USP45: variants seen among roughly 807,000 people sequenced by gnomAD.
USP45 encodes the protein ubiquitin carboxyl-terminal hydrolase 45.
A neutral mutation model predicts 95.8 loss-of-function variants in USP45; 89 were observed. The observed-to-expected ratio is 0.93, with a 90% confidence interval of 0.78 to 1.11. The LOEUF (loss-of-function observed/expected upper bound fraction) is 1.11, where lower values mean the gene tolerates loss of function less well. Among genes scored for constraint, USP45 ranks in the 50% least tolerant of loss-of-function variants. The pLI is 0.00. For missense variants in USP45, 898 were observed against 942.5 expected (o/e 0.95, Z 0.62); for synonymous variants, 281 against 316.2 (o/e 0.89, Z 1.18).
At chr6:99,435,994 C>A in intron 17 of USP45, 148 bp from the exon 18 acceptor site, 1 of 759,888 alleles carries the variant, frequency 1.3e-6, no homozygotes, top group Non-Finnish European at 2.0e-6. Context: ...AAGCATTTTC[C>A]AAAAAGAACT....
intron 13 of USP45, among the ~76,000 whole-genome samples, chr6:99,447,031 G>A (rs1403910524): frequency 6.6e-6 from 1 of 152,152 alleles, no homozygotes; most frequent in Non-Finnish European, 1.5e-5. Flanking sequence ...TACTGTATAA[G>A]CCTTTCCATA....
chr6:99,436,856 T>C (rs1562290254), intron 17 of USP45, among the ~76,000 whole-genome samples: 1 of 152,080 alleles, frequency 6.6e-6, no homozygotes, highest in African/African-American at 2.4e-5. Flanking sequence ...TCCCAGCACT[T>C]TGGGAGGCCG....
chr6:99,453,070 T>A (rs1268549392), intron 13 of USP45, among the ~76,000 whole-genome samples: 1 of 151,218 alleles, frequency 6.6e-6, no homozygotes, highest in Non-Finnish European at 1.5e-5. Context: ...GAGATATACC[T>A]AATGTAAATG....
At position 99,445,782 on chromosome 6, in the gene USP45, T is replaced by TA. The variant is rs778249756; in HGVS notation, c.1975+14dup. On this transcript the variant is annotated intron_variant, in intron 14 of 17. Transcript: ENST00000500704. ...ATCAGGAGATCAATAATTATGTAAT[T>TA]AAAAAAATAATTACCTGCAAAACTG... The TA allele has an allele frequency of 7.2e-6, 11 of 1,520,350 alleles. No individual in the cohort carries two copies. Among genetic ancestry groups the TA allele is most frequent in the African/African-American group, 1.4e-5 (1 of 71,318 alleles). 94.2% of individuals were successfully genotyped at this position (1,520,350 alleles called of 1,614,324 possible). A position where few individuals can be genotyped will look rare whatever the true frequency, so the allele number is the denominator to read the frequency against.
chr6:99,460,591 A>C (rs898846456), intron 13 of USP45, among the ~76,000 whole-genome samples: 1 of 152,210 alleles, frequency 6.6e-6, no homozygotes, highest in Admixed American at 6.5e-5. Flanking sequence ...TGGTAAAATC[A>C]GGTAAGATCC....
chr6:99,442,297 T>A (rs1165362473), intron 15 of USP45, among the ~76,000 whole-genome samples: 1 of 152,212 alleles, frequency 6.6e-6, no homozygotes, highest in Non-Finnish European at 1.5e-5. Flanking sequence ...CGCTCTGATA[T>A]GACAAGACAT....
At chr6:99,462,835 T>A (rs904420304) in intron 13 of USP45, 3 of 292,230 alleles carry the variant, frequency 1.0e-5, no homozygotes, top group African/African-American at 6.8e-5. Flanking sequence ...ATAACAAAAA[T>A]TAGCCGGGCA....
rs140746377 is a variant in USP45, at chr6:99,476,889, CT to C, written c.846-660del. The stretch of plus-strand genomic sequence containing the variant: ...TAAGGACTTGATAATTAAATTTCCT[CT>C]GTATTAACTTAATAGAAAGATCAGG... On this transcript the variant is annotated intron_variant, in intron 8 of 17. Coordinates refer to ENST00000500704, the MANE Select transcript of USP45 (RefSeq NM_001346022.3). 5.9e-5 allele frequency among the ~76,000 whole-genome samples: 9 copies of C among 152,272 alleles called. No individual in the cohort carries two copies. The East Asian group carries it at 1.7e-3, about 29-fold the overall frequency.
chr6:99,468,763 T>C, intron 9 of USP45, 145 bp from the exon 10 acceptor site: 1 of 556,804 alleles, frequency 1.8e-6, no homozygotes, highest in Non-Finnish European at 3.1e-6. Flanking sequence ...TTTTAAAAAA[T>C]GTAATTTCTT....
intron 13 of USP45, chr6:99,461,249 A>G (rs1786396502): frequency 2.0e-6 from 2 of 985,282 alleles, no homozygotes; most frequent in Non-Finnish European, 2.4e-6. Flanking sequence ...AGTCTCTACA[A>G]TTATTCAATC....
intron 4 of USP45, 107 bp from the exon 5 acceptor site, chr6:99,503,972 G>T (rs1797959701): frequency 2.7e-6 from 2 of 737,088 alleles, no homozygotes; most frequent in African/African-American, 3.6e-5. Flanking sequence ...AAATTACATG[G>T]GAGGGAATAC....
At chr6:99,503,693 T>C in intron 5 of USP45, 72 bp downstream of exon 5, 1 of 1,029,678 alleles carries the variant, frequency 9.7e-7, no homozygotes, top group Middle Eastern at 2.6e-4. Context: ...TAAAGTATTC[T>C]TTATGAATTT....
chr6:99,515,037 GT>G (rs1247412753), intron 1 of USP45: 1 of 152,308 alleles, frequency 6.6e-6, no homozygotes, highest in Non-Finnish European at 1.5e-5. Flanking sequence ...GCTTCCTCCG[GT>G]CACCAACACA....
At chr6:99,502,130 A>C (rs1797511567) in intron 5 of USP45, 2 of 1,075,162 alleles carry the variant, frequency 1.9e-6, no homozygotes, top group South Asian at 1.9e-5. Context: ...AACTCTCCAC[A>C]CCAAAACTCC....
chr6:99,509,767 A>G (rs776498726), intron 2 of USP45, among the ~76,000 whole-genome samples: 4 of 152,212 alleles, frequency 2.6e-5, no homozygotes, highest in Non-Finnish European at 4.4e-5. Context: ...TATGCAGAAA[A>G]CAGTAAAAAT....
At position 99,510,189 on chromosome 6, in the gene USP45, G is replaced by A; in HGVS notation, c.32C>T (p.Pro11Leu). 6.2e-7 allele frequency: 1 copy of A among 1,613,824 alleles called. No homozygotes were observed. The highest frequency in any genetic ancestry group is 8.5e-7 in the Non-Finnish European group (1 of 1,179,864). Residue 11 changes from proline (P) to leucine (L), a missense_variant, in exon 2 of 18, where the codon CCT becomes CTT. Coordinates refer to ENST00000500704, the MANE Select transcript of USP45 (RefSeq NM_001346022.3). ...CCTTTTACTTCTTTTGGCTTTCTCAGGTAAAGCTTTAGTTGGATCTTTCAC... is the reference window on the plus strand; with the variant it reads ...CCTTTTACTTCTTTTGGCTTTCTCAAGTAAAGCTTTAGTTGGATCTTTCAC... MRVKDPTKAL[P>L]EKAKRSKRPT... is the part of the protein sequence containing the mutation.
chr6:99,463,886 A>G (rs1787200686), intron 13 of USP45, among the ~76,000 whole-genome samples: 1 of 152,022 alleles, frequency 6.6e-6, no homozygotes, highest in African/African-American at 2.4e-5. Context: ...TTAGAAAGCA[A>G]AATAAAAAAC....
intron 5 of USP45, among the ~76,000 whole-genome samples, chr6:99,495,283 T>C (rs781303196): frequency 7.2e-5 from 11 of 152,166 alleles, no homozygotes; most frequent in Admixed American, 2.6e-4. Context: ...CAGGAGAAAA[T>C]TGAAAACAAC....
chr6:99,453,389 A>T (rs1407866861), intron 13 of USP45, among the ~76,000 whole-genome samples: 1 of 152,146 alleles, frequency 6.6e-6, no homozygotes, highest in Non-Finnish European at 1.5e-5. Context: ...TGGAAAAAAA[A>T]ATCAACAAAG....
Sources: allele counts gnomAD v4.1 joint callset (sites outside exome capture counted in the v4.1 genomes callset), GRCh38; gene constraint gnomAD v4.1.1; transcripts MANE v1.5; gene names NCBI Gene and HGNC (gene_info 2026-07-23, HGNC 2026-07-21).